CDC14B: variants seen among roughly 807,000 people sequenced by gnomAD.
The protein encoded by CDC14B is dual specificity protein phosphatase CDC14B.
In CDC14B, 22 loss-of-function variants were observed where a neutral mutation model predicts 64.2. That is an observed-to-expected ratio of 0.34 (90% CI 0.24 to 0.49). The LOEUF (loss-of-function observed/expected upper bound fraction) is 0.49. CDC14B is among the 20% of genes least tolerant of loss of function. CDC14B has a pLI of 0.99. For missense variants in CDC14B, 498 were observed against 629.9 expected, an observed-to-expected ratio of 0.79 and a Z score of 2.24; for synonymous variants, 191 against 215.8, an observed-to-expected ratio of 0.89 and a Z score of 1.01.
At chr9:96,608,985 A>T (rs1011578103) in intron 1 of CDC14B, among the ~76,000 whole-genome samples, 1 of 151,902 alleles carries the variant, frequency 6.6e-6, no homozygotes, top group African/African-American at 2.4e-5. Flanking sequence ...ATATATATAT[A>T]TTTTTGAGAT....
chr9:96,617,655 G>T (rs1010124083), intron 1 of CDC14B, among the ~76,000 whole-genome samples: 2 of 152,116 alleles, frequency 1.3e-5, no homozygotes, highest in Admixed American at 1.3e-4. Context: ...TAGTATGCAT[G>T]CACAGCCTAT....
intron 4 of CDC14B, among the ~76,000 whole-genome samples, chr9:96,560,796 G>T (rs1226459499): frequency 6.8e-6 from 1 of 147,652 alleles, no homozygotes; most frequent in Admixed American, 6.8e-5. Flanking sequence ...CTGCAAGTAC[G>T]AGAAACACCA....
chr9:96,565,008 C>T (rs1421275480), intron 2 of CDC14B, among the ~76,000 whole-genome samples, 156 bp from the exon 3 acceptor site: 1 of 152,148 alleles, frequency 6.6e-6, no homozygotes, highest in Non-Finnish European at 1.5e-5. Context: ...TGGTGGAAGA[C>T]TATTCTGGTA....
intron 12 of CDC14B, among the ~76,000 whole-genome samples, chr9:96,514,075 A>G (rs1835279318): frequency 6.6e-6 from 1 of 152,212 alleles, no homozygotes; most frequent in African/African-American, 2.4e-5. Context: ...AAAATTCCAA[A>G]TAATTAGTCA....
chr9:96,598,332 TTTTG>T (rs1338466594), intron 1 of CDC14B, among the ~76,000 whole-genome samples: 4 of 152,172 alleles, frequency 2.6e-5, no homozygotes, highest in African/African-American at 7.2e-5. Flanking sequence ...GTGAAGTGTT[TTTTG>T]TTTGTTTTTT....
intron 13 of CDC14B, among the ~76,000 whole-genome samples, chr9:96,494,784 C>T (rs1385027114): frequency 9.1e-6 from 1 of 110,282 alleles, no homozygotes; most frequent in African/African-American, 3.5e-5. Flanking sequence ...CCCCTCCCGT[C>T]CCCTCCCGTC....
At chr9:96,491,243 C>T (rs1466872209) in exon 14 of CDC14B, 11 of 152,258 alleles carry the variant, frequency 7.2e-5, no homozygotes. Flanking sequence ...GAACCTTGGT[C>T]CCAGGATCTG....
intron 9 of CDC14B, among the ~76,000 whole-genome samples, chr9:96,524,297 T>A (rs1837235462): frequency 6.6e-6 from 1 of 152,230 alleles, no homozygotes; most frequent in Admixed American, 6.5e-5. Flanking sequence ...CAGAGATTCC[T>A]AAAATCTTCC....
chr9:96,607,539 G>A (rs537843988), intron 1 of CDC14B, among the ~76,000 whole-genome samples: 3 of 150,008 alleles, frequency 2.0e-5, no homozygotes, highest in Middle Eastern at 3.5e-3. Context: ...TCCTGCCTCA[G>A]CCGCCTGAGT....
intron 13 of CDC14B, among the ~76,000 whole-genome samples, chr9:96,505,184 TAAA>T (rs751327969): frequency 7.3e-6 from 1 of 137,298 alleles, no homozygotes; most frequent in Admixed American, 7.4e-5. Context: ...CTGTCTCATT[TAAA>T]AAAAAAAAAA....
downstream of CDC14B, chr9:96,496,324 TCTAGA>T: frequency 1.9e-6 from 1 of 516,502 alleles, no homozygotes; most frequent in Non-Finnish European, 3.9e-6. Flanking sequence ...CAGAAGCCGG[TCTAGA>T]AAGGTGACAG....
intron 1 of CDC14B, among the ~76,000 whole-genome samples, chr9:96,593,421 AG>A (rs1564379129): frequency 6.8e-6 from 1 of 147,362 alleles, no homozygotes; most frequent in East Asian, 2.1e-4. Context: ...CAGGAGGAAG[AG>A]GTTGCAGTGA....
intron 12 of CDC14B, among the ~76,000 whole-genome samples, chr9:96,516,946 G>A (rs1835763168): frequency 6.6e-6 from 1 of 151,862 alleles, no homozygotes; most frequent in Non-Finnish European, 1.5e-5. Flanking sequence ...GTGCCACCAT[G>A]CCCAGCTAAT....
chr9:96,582,894 G>A (rs187589821), intron 1 of CDC14B, among the ~76,000 whole-genome samples: 47 of 152,184 alleles, frequency 3.1e-4, no homozygotes, highest in Middle Eastern at 6.8e-3. Flanking sequence ...TAATGGGCCT[G>A]GGTTGTTTAT....
At chr9:96,566,924 C>A in intron 1 of CDC14B, 1 of 1,525,312 alleles carries the variant, frequency 6.6e-7, no homozygotes, top group Non-Finnish European at 8.8e-7. Context: ...TTTAAAGGGC[C>A]GCGCGGGGCA....
chr9:96,565,107 T>G (rs1843724985), intron 2 of CDC14B, among the ~76,000 whole-genome samples: 1 of 152,210 alleles, frequency 6.6e-6, no homozygotes, highest in South Asian at 2.1e-4. Context: ...TTAAAAAAGC[T>G]GTTTTTCCAC....
chr9:96,570,469 C>G (rs781323465), intron 1 of CDC14B, among the ~76,000 whole-genome samples: 1 of 152,160 alleles, frequency 6.6e-6, no homozygotes, highest in East Asian at 1.9e-4. Context: ...GGAAGTCAAC[C>G]TCTGCTGAGT....
intron 1 of CDC14B, among the ~76,000 whole-genome samples, chr9:96,595,927 A>T (rs2118710044): frequency 6.6e-6 from 1 of 152,352 alleles, no homozygotes; most frequent in East Asian, 1.9e-4. Flanking sequence ...TATTTAAAAA[A>T]GCTTTAAAAA....
intron 1 of CDC14B, among the ~76,000 whole-genome samples, chr9:96,615,509 A>T (rs923603627): frequency 6.6e-6 from 1 of 152,238 alleles, no homozygotes; most frequent in African/African-American, 2.4e-5. Flanking sequence ...AAGTTAAAAA[A>T]TGATGTATTT....
Sources: gnomAD v4.1 joint callset for allele counts (sites outside exome capture counted in the v4.1 genomes callset) on GRCh38, gnomAD v4.1.1 for gene constraint, MANE v1.5 for transcripts, NCBI Gene and HGNC (gene_info 2026-07-23, HGNC 2026-07-21) for gene names.